ANLN: variants seen among roughly 807,000 people sequenced by gnomAD.
ANLN encodes anillin.
ANLN carries 59 observed loss-of-function variants against 135.1 expected under a neutral mutation model. That is an observed-to-expected ratio of 0.44 (90% confidence interval 0.35 to 0.54). ANLN has a LOEUF of 0.54. ANLN is among the 20% of genes least tolerant of loss of function. ANLN has a pLI of 0.00. For synonymous variants in ANLN, 406 were observed against 456.4 expected, an observed-to-expected ratio of 0.89 and a Z score of 1.41; for missense variants, 1,182 against 1,340.0, an observed-to-expected ratio of 0.88 and a Z score of 1.84.
intron 4 of ANLN, 67 bp downstream of exon 4, chr7:36,406,633 T>C (rs1787203607): frequency 1.5e-6 from 2 of 1,351,810 alleles, no homozygotes; most frequent in Non-Finnish European, 1.9e-6. Flanking sequence ...ATAATACATC[T>C]GTGTGTATGT....
chr7:36,452,503 A>T lies in ANLN; in HGVS notation c.3278A>T (p.Glu1093Val). 6.2e-7 allele frequency: 1 copy of T among 1,614,078 alleles called. No individual in the cohort carries two copies. Among genetic ancestry groups the T allele is most frequent in the East Asian group, 2.2e-5 (1 of 44,872 alleles). The change falls in exon 24 of 24, where the codon GAA (glutamate) becomes GTA (valine). Residue 1093 changes from glutamate to valine, a missense_variant. By Grantham distance (121) the Glu-to-Val change is moderately radical. This residue lies in a region of ANLN where 78 missense variants were observed against 72.7 expected (regional missense o/e 1.07). Transcript: ENST00000265748. ...TKNWLSADTK[E>V]ERDLWMQKLN... ...AACTGGCTGTCTGCAGATACTAAAG[A>T]AGAGCGGGATCTCTGGATGCAAAAA...
chr7:36,452,390 T>C, intron 23 of ANLN, 87 bp from the exon 24 acceptor site: 1 of 1,544,378 alleles, frequency 6.5e-7, no homozygotes, highest in Non-Finnish European at 8.9e-7. Context: ...CTGGTTTATT[T>C]AGTCATTTTT....
Position 36,407,885 on chromosome 7 carries a change from TTCCA to T in ANLN, c.1030_1033del (p.Ser344ArgfsTer4). 1 of 1,613,880 alleles carries T rather than the reference TTCCA, an allele frequency of 6.2e-7. No homozygotes were observed. Among genetic ancestry groups the T allele is most frequent in the Non-Finnish European group, 8.5e-7 (1 of 1,179,834 alleles). On this transcript the variant is annotated frameshift_variant, in exon 5 of 24. Transcript: ENST00000265748. LOFTEE classifies it high-confidence loss of function. ...GTGAAGTCAACTTTATCCCAGACAG[TTCCA>T]TCCAAGGGAGAATTAAGTAGAGAAA...
At chr7:36,432,652 T>C (rs1303476426) in intron 20 of ANLN, among the ~76,000 whole-genome samples, 1 of 152,244 alleles carries the variant, frequency 6.6e-6, no homozygotes, top group African/African-American at 2.4e-5. Context: ...TTGTTATTTG[T>C]TTTCTATTTG....
intron 20 of ANLN, among the ~76,000 whole-genome samples, chr7:36,437,243 T>A (rs2116762720): frequency 6.6e-6 from 1 of 152,346 alleles, no homozygotes; most frequent in Middle Eastern, 3.4e-3. Context: ...GCCTTTTGGA[T>A]AAGGTCAAAT....
In ANLN at chr7:36,407,918, G is replaced by T. The variant is rs1349236287; in HGVS notation, c.1058G>T (p.Cys353Phe). The stretch of plus-strand genomic sequence containing the variant: ...AAGGGAGAATTAAGTAGAGAAATTT[G>T]TCTGCAATCTCAATCTAAAGACAAA... ...PSKGELSREI[C>F]LQSQSKDKST... Residue 353 changes from cysteine (C) to phenylalanine (F), a missense_variant, in exon 5 of 24, where the codon TGT becomes TTT. Cys to Phe is a radical substitution (Grantham distance 205). Transcript: ENST00000265748. The T allele has an allele frequency of 6.2e-7, 1 of 1,613,640 alleles. No homozygotes were observed. Among genetic ancestry groups the T allele is most frequent in the South Asian group, 1.1e-5 (1 of 91,044 alleles).
intron 17 of ANLN, 83 bp from the exon 18 acceptor site, chr7:36,425,619 A>T (rs553501255): frequency 9.2e-7 from 1 of 1,083,222 alleles, no homozygotes; most frequent in African/African-American, 1.6e-5. Flanking sequence ...TCTATGTAGG[A>T]ATTTCTCAAG....
chr7:36,445,161 CTTTTTT>C (rs70977145), intron 22 of ANLN, among the ~76,000 whole-genome samples: 45 of 57,822 alleles, frequency 7.8e-4, no homozygotes, highest in South Asian at 1.7e-3. Context: ...ATTTGGGATT[CTTTTTT>C]TTTTTTTTTT....
chr7:36,437,410 G>A (rs1369958169), intron 20 of ANLN, among the ~76,000 whole-genome samples: 4 of 152,074 alleles, frequency 2.6e-5, no homozygotes, highest in Non-Finnish European at 5.9e-5. Context: ...TGTATGTACC[G>A]CATTTTTTTG....
intron 3 of ANLN, 77 bp downstream of exon 3, chr7:36,399,470 G>A: frequency 8.0e-7 from 1 of 1,254,004 alleles, no homozygotes; most frequent in Non-Finnish European, 1.1e-6. Flanking sequence ...CATTTTATCA[G>A]TTAACTCATG....
At chr7:36,409,877 G>T (rs1196288424) in intron 5 of ANLN, among the ~76,000 whole-genome samples, 2 of 151,964 alleles carry the variant, frequency 1.3e-5, no homozygotes, top group Non-Finnish European at 1.5e-5. Context: ...CCTCCATGTT[G>T]CCCGGGCTGG....
intron 4 of ANLN, 21 bp from the exon 5 acceptor site, chr7:36,407,713 C>G: frequency 6.5e-7 from 1 of 1,549,840 alleles, no homozygotes; most frequent in Non-Finnish European, 8.9e-7. Context: ...GTTGTTTACC[C>G]TAAGTGTTTT....
intron 22 of ANLN, among the ~76,000 whole-genome samples, chr7:36,445,819 A>T (rs1224862091): frequency 1.3e-5 from 2 of 152,126 alleles, no homozygotes. Flanking sequence ...TGGTTGTACG[A>T]TTTTCCATTC....
At position 36,449,822 on chromosome 7, in the gene ANLN, C is replaced by T. The variant is rs1273849291; in HGVS notation, c.3236C>T (p.Thr1079Ile). ...RETLVSQCRD[T>I]LCVTKNWLSA... The stretch of plus-strand genomic sequence containing the variant: ...ACTCTTGTCAGCCAATGCAGGGACA[C>T]ACTCTGTGTTACCAAGTATGTATTG... Residue 1079 changes from threonine to isoleucine, a missense_variant, in exon 23 of 24, where the codon ACA (threonine) becomes ATA (isoleucine). Physicochemically the swap from Thr to Ile is moderately conservative, Grantham distance 89 (BLOSUM62 -1). This residue lies in a region of ANLN where 78 missense variants were observed against 72.7 expected (regional missense o/e 1.07). Transcript: ENST00000265748. The T allele has an allele frequency of 1.9e-6, 3 of 1,613,688 alleles. No homozygotes were observed. The highest frequency in any genetic ancestry group is 1.7e-5 in the Admixed American group (1 of 59,928).
chr7:36,431,597 G>GTGTATA (rs1306528982), intron 20 of ANLN, among the ~76,000 whole-genome samples: 38 of 27,438 alleles, frequency 1.4e-3, no homozygotes, highest in African/African-American at 2.6e-3. Context: ...GTGTGTGTGT[G>GTGTATA]TATATATATA....
At position 36,426,105 on chromosome 7, in the gene ANLN, A is replaced by G. The variant is rs74625879; in HGVS notation, c.2770+69A>G. Reference sequence around the variant, plus strand: ...GAATTAAGCACTTGCATATTTACATATATATAGGCCATCTTGATTTGTGAA... The same window carrying G: ...GAATTAAGCACTTGCATATTTACATGTATATAGGCCATCTTGATTTGTGAA... On this transcript the variant is annotated intron_variant, in intron 19 of 23. Transcript: ENST00000265748. The G allele has an allele frequency of 0.028, 30,522 of 1,108,572 alleles. 523 individuals carry two copies. The highest frequency in any genetic ancestry group is 0.052 in the Middle Eastern group (244 of 4,730). 68.7% of individuals were successfully genotyped at this position (1,108,572 alleles called of 1,614,324 possible). A position where few individuals can be genotyped will look rare whatever the true frequency, so the allele number is the denominator to read the frequency against.
At chr7:36,429,322 G>C (rs1273235839) in intron 20 of ANLN, among the ~76,000 whole-genome samples, 1 of 152,076 alleles carries the variant, frequency 6.6e-6, no homozygotes, top group Non-Finnish European at 1.5e-5. Flanking sequence ...CCAGGTTCAA[G>C]CAATTCTCAT....
intron 3 of ANLN, chr7:36,403,410 T>C (rs983356575): frequency 1.3e-4 from 19 of 151,952 alleles, no homozygotes; most frequent in African/African-American, 3.6e-4. Context: ...TGCAAGACTG[T>C]GAAGGATAAG....
At chr7:36,418,911 G>A (rs770482278) in intron 9 of ANLN, among the ~76,000 whole-genome samples, 7 of 151,788 alleles carry the variant, frequency 4.6e-5, no homozygotes, top group Admixed American at 2.6e-4. Context: ...CTATCACCAC[G>A]CCTGGCTAAT....
Sources: gnomAD v4.1 joint callset for allele counts (sites outside exome capture counted in the v4.1 genomes callset) on GRCh38, gnomAD v4.1.1 for gene constraint, gnomAD v4.1.1 regional missense constraint, MANE v1.5 for transcripts, NCBI Gene and HGNC (gene_info 2026-07-23, HGNC 2026-07-21) for gene names.